GBP5: variants seen among roughly 807,000 people sequenced by gnomAD.
The protein encoded by GBP5 is guanylate-binding protein 5.
In GBP5, 48 loss-of-function variants were observed where a neutral mutation model predicts 58.2. The ratio of observed to expected loss-of-function variants is 0.83; its 90% CI spans 0.65 to 1.05. The LOEUF (loss-of-function observed/expected upper bound fraction) is 1.05, where lower values mean the gene tolerates loss of function less well. Ranked by LOEUF, GBP5 falls within the 50% of genes least tolerant of loss-of-function variation. The pLI, the probability that GBP5 is intolerant of heterozygous loss-of-function variation, is 0.00. For synonymous variants in GBP5, 248 were observed against 251.8 expected (o/e 0.98, Z 0.14); for missense variants, 714 against 686.8 (o/e 1.04, Z -0.44).
Position 89,266,371 on chromosome 1 carries a change from T to C in GBP5, c.843A>G (p.Pro281=), listed in dbSNP as rs1279799389. 2 of 1,613,260 alleles carry C rather than the reference T, an allele frequency of 1.2e-6. 1 individual carries two copies. Among genetic ancestry groups the C allele is most frequent in the Non-Finnish European group, 1.7e-6 (2 of 1,179,280 alleles). ...GAGATCCATTGACCATGATGCCACC[T>C]GGAAGAGTCTTGGTCATAGAATGGC... The part of the protein sequence containing the change: ...IFSHSMTKTL[P]GGIMVNGSRL... Residue 281 remains proline, a synonymous_variant, in exon 7 of 12, where the codon CCA becomes CCG. Transcript: ENST00000370459.
chr1:89,259,136 G>A lies in GBP5; in HGVS notation c.*1568C>T, dbSNP rs1379122632. 5.3e-5 allele frequency: 8 copies of A among 152,254 alleles called. No individual in the cohort carries two copies. The highest frequency in any genetic ancestry group is 1.0e-4 in the Non-Finnish European group (7 of 68,022). 9.4% of individuals were successfully genotyped at this position (152,254 alleles called of 1,614,324 possible). On this transcript the variant is annotated 3_prime_UTR_variant, in exon 12 of 12. Transcript: ENST00000370459. ...ACTCAGATTTTTGGCACATTATATG[G>A]CATTCCTTATACCACATATTTATAA...
At chr1:89,262,126 G>T in intron 11 of GBP5, 94 bp downstream of exon 11, 1 of 1,234,302 alleles carries the variant, frequency 8.1e-7, no homozygotes, top group Non-Finnish European at 1.2e-6. Flanking sequence ...ACTCCCTGCT[G>T]AGAGCCACAA....
At chr1:89,263,446 CA>C (rs1187710521) in intron 9 of GBP5, 12 of 303,592 alleles carry the variant, frequency 4.0e-5, no homozygotes, top group Non-Finnish European at 7.5e-5. Context: ...CCAATGTAAC[CA>C]AAAAGGCCTC....
At position 89,262,320 on chromosome 1, in the gene GBP5, T is replaced by A. The variant is rs771950573; in HGVS notation, c.1547A>T (p.Gln516Leu). ...AIQRQNEQMM[Q>L]ERERLHQEQV... ...TTCCTGATGGAGTCTCTCCCTCTCCTGCATCATTTGCTCGTTCTGCCTTTG... is the reference window on the plus strand; with the variant it reads ...TTCCTGATGGAGTCTCTCCCTCTCCAGCATCATTTGCTCGTTCTGCCTTTG... Residue 516 changes from glutamine to leucine, a missense_variant, in exon 11 of 12, where the codon CAG (glutamine) becomes CTG (leucine). Gln to Leu is a moderately radical substitution (Grantham distance 113). Transcript: ENST00000370459. 6.2e-7 allele frequency: 1 copy of A among 1,614,144 alleles called. No homozygotes were observed. The highest frequency in any genetic ancestry group is 8.5e-7 in the Non-Finnish European group (1 of 1,179,958).
At position 89,256,296 on chromosome 1, in the gene GBP5, C is replaced by T. The variant is rs534680438; in HGVS notation, c.*4408G>A. On this transcript the variant is annotated 3_prime_UTR_variant, in exon 12 of 12. Coordinates refer to ENST00000370459, the MANE Select transcript of GBP5 (RefSeq NM_052942.5). ...TTTGAAAACAGGCCAAACAAAATTA[C>T]ATTACTTAGGAGCTCACATGTTTAT... Among the ~76,000 whole-genome samples, 1 of 152,216 alleles carries T rather than the reference C, an allele frequency of 6.6e-6. No homozygotes were observed. The highest frequency in any genetic ancestry group is 2.4e-5 in the African/African-American group (1 of 41,536).
In GBP5 at chr1:89,268,760, A is replaced by G; in HGVS notation, c.287T>C (p.Leu96Pro). 1.2e-6 allele frequency: 2 copies of G among 1,614,086 alleles called. No individual in the cohort carries two copies. The highest frequency in any genetic ancestry group is 1.1e-5 in the South Asian group (1 of 91,082). The change falls in exon 4 of 12, where the codon CTT becomes CCT. Residue 96 changes from leucine (L) to proline (P), a missense_variant. Transcript: ENST00000370459. ...TACATCTCCCAGGCCCTCGGTGTCA[A>G]GCAGAACTAATGTGTGATTTGGCCA... ...PNWPNHTLVL[L>P]DTEGLGDVEK...
At position 89,268,825 on chromosome 1, in the gene GBP5, G is replaced by A. The variant is rs1260009110; in HGVS notation, c.222C>T (p.His74=). The change falls in exon 4 of 12, where the codon CAC becomes CAT. Residue 74 remains histidine (H), a synonymous_variant. Coordinates refer to ENST00000370459, the MANE Select transcript of GBP5 (RefSeq NM_052942.5). ...GFSVASTVQS[H]TKGIWIWCVP... is the part of the protein sequence containing the mutation. ...CACACCATATCCAAATTCCCTTGGTGTGAGACTGCACCGTAGATGCAACAG... is the reference window on the plus strand; with the variant it reads ...CACACCATATCCAAATTCCCTTGGTATGAGACTGCACCGTAGATGCAACAG... 6.2e-7 allele frequency: 1 copy of A among 1,613,890 alleles called. No homozygotes were observed. Among genetic ancestry groups the A allele is most frequent in the South Asian group, 1.1e-5 (1 of 91,082 alleles).
In GBP5 at chr1:89,263,892, C is replaced by T. The variant is rs553250350; in HGVS notation, c.1206G>A (p.Ser402=). 14 of 1,612,368 alleles carry T rather than the reference C, an allele frequency of 8.7e-6. No homozygotes were observed. The highest frequency in any genetic ancestry group is 8.4e-5 in the Admixed American group (5 of 59,738). The change falls in exon 9 of 12, where the codon TCG becomes TCA. Residue 402 remains serine (S), a synonymous_variant. Transcript: ENST00000370459. ...DICKRNLEAS[S]DYCSALLKDI... is the part of the protein sequence containing the mutation. The stretch of plus-strand genomic sequence containing the variant: ...CCTTAAGTAAAGCCGAGCAATAATC[C>T]GAGGATGCTTCCAGGTTCCGTTTAC...
rs1221077068 is a variant in GBP5, at chr1:89,260,830, A to G, written c.1648-13T>C. The G allele has an allele frequency of 1.3e-6, 2 of 1,592,994 alleles. No individual in the cohort carries two copies. Among genetic ancestry groups the G allele is most frequent in the South Asian group, 2.2e-5 (2 of 90,458 alleles). On this transcript the variant is annotated splice_polypyrimidine_tract_variant and intron_variant, in intron 11 of 11. Transcript: ENST00000370459. ...GTGCAGCCTGTTCCTAAAGAGTGATAAATAGAAAGTAAGATCAAGCTTCTT... is the reference window on the plus strand; with the variant it reads ...GTGCAGCCTGTTCCTAAAGAGTGATGAATAGAAAGTAAGATCAAGCTTCTT...
At chr1:89,266,247 T>C (rs1650206810) in intron 7 of GBP5, 99 bp downstream of exon 7, 3 of 997,574 alleles carry the variant, frequency 3.0e-6, no homozygotes, top group East Asian at 2.5e-5. Flanking sequence ...AGCAATTGCC[T>C]ATGCATTTGT....
rs145635162 is a variant in GBP5 at position 89,262,358 on chromosome 1, C to G, written c.1509G>C (p.Arg503Ser). ...KAEAEKAEAQ[R>S]LAAIQRQNEQ... ...CGTTCTGCCTTTGAATCGCCGCCAACCTTTGCGCTTCAGCCTTTTCAGCTT... is the reference window on the plus strand; with the variant it reads ...CGTTCTGCCTTTGAATCGCCGCCAAGCTTTGCGCTTCAGCCTTTTCAGCTT... Residue 503 changes from arginine to serine, a missense_variant, in exon 11 of 12, where the codon AGG (arginine) becomes AGC (serine). Coordinates refer to ENST00000370459, the MANE Select transcript of GBP5 (RefSeq NM_052942.5). 2.8e-5 allele frequency: 45 copies of G among 1,614,108 alleles called. No homozygotes were observed. The African/African-American group carries it at 5.1e-4, about 18-fold the overall frequency.
intron 11 of GBP5, 72 bp downstream of exon 11, chr1:89,262,148 C>T: frequency 2.1e-6 from 3 of 1,444,616 alleles, no homozygotes; most frequent in Non-Finnish European, 2.9e-6. Flanking sequence ...ATCTTGCTGC[C>T]TCTCCCTCTT....
rs61730934 is a variant in GBP5, at chr1:89,266,511, T to G, written c.703A>C (p.Ile235Leu). The change falls in exon 7 of 12, where the codon ATC becomes CTC. Residue 235 changes from isoleucine (I) to leucine (L), a missense_variant. By Grantham distance (5) the Ile-to-Leu change is conservative. Coordinates refer to ENST00000370459, the MANE Select transcript of GBP5 (RefSeq NM_052942.5). ...TTTTGGTGAGCAGGTAAGTCAAAGA[T>G]AAAGCATTTCTTTTTTGGAAAGAAC... is the stretch of plus-strand genomic sequence containing the variant. ...QKFFPKKKCFIFDLPAHQKKL... is the reference protein window; with the variant it reads ...QKFFPKKKCFLFDLPAHQKKL... The G allele has an allele frequency of 1.9e-6, 3 of 1,613,958 alleles. No individual in the cohort carries two copies. The highest frequency in any genetic ancestry group is 2.5e-6 in the Non-Finnish European group (3 of 1,179,932).
At chr1:89,262,890 A>G (rs1245269967) in intron 9 of GBP5, 105 bp from the exon 10 acceptor site, 1 of 703,574 alleles carries the variant, frequency 1.4e-6, no homozygotes, top group African/African-American at 1.9e-5. Flanking sequence ...CTCATAGGAG[A>G]GGCTTGCCAT....
intron 6 of GBP5, 86 bp from the exon 7 acceptor site, chr1:89,266,674 A>G: frequency 8.1e-7 from 1 of 1,236,026 alleles, no homozygotes; most frequent in Middle Eastern, 2.6e-4. Flanking sequence ...CTTCCACCTG[A>G]TGTCACTTAG....
Position 89,267,531 on chromosome 1 carries a change from A to T in GBP5, c.319-5T>A, listed in dbSNP as rs764171795. 1 of 1,594,354 alleles carries T rather than the reference A, an allele frequency of 6.3e-7. No homozygotes were observed. Among genetic ancestry groups the T allele is most frequent in the Admixed American group, 1.7e-5 (1 of 60,000 alleles). ...GATATCATTCTTGTTGTCAGCCTAG[A>T]AGTCAGACCAAATTTAAGTCATGTC... On this transcript the variant is annotated splice_polypyrimidine_tract_variant and splice_region_variant and intron_variant, in intron 4 of 11. Transcript: ENST00000370459.
At position 89,262,463 on chromosome 1, in the gene GBP5, T is replaced by C. The variant is rs1002064122; in HGVS notation, c.1466-62A>G. The C allele has an allele frequency of 2.8e-6, 4 of 1,412,948 alleles. No homozygotes were observed. In the African/African-American group the frequency reaches 5.7e-5, roughly 20 times the overall value. 87.5% of individuals were successfully genotyped at this position (1,412,948 alleles called of 1,614,324 possible). A position where few individuals can be genotyped will look rare whatever the true frequency, so the allele number is the denominator to read the frequency against. On this transcript the variant is annotated intron_variant, in intron 10 of 11. Coordinates refer to ENST00000370459, the MANE Select transcript of GBP5 (RefSeq NM_052942.5). ...TGCCTCTTCCTTCTGCCTCCCACTT[T>C]TGTTTGTGATTGTTCCAACTTCCTG...
chr1:89,260,669 A>G lies in GBP5; in HGVS notation c.*35T>C. On this transcript the variant is annotated 3_prime_UTR_variant, in exon 12 of 12. Transcript: ENST00000370459. ...CTTTTCTGTTGTGTCATCAGTGACA[A>G]AGAGTAAAAAAAGGAAACTCCCATA... is the stretch of plus-strand genomic sequence containing the variant. The G allele has an allele frequency of 7.9e-7, 1 of 1,264,736 alleles. No homozygotes were observed. Among genetic ancestry groups the G allele is most frequent in the Non-Finnish European group, 1.2e-6 (1 of 864,740 alleles). 78.3% of individuals were successfully genotyped at this position (1,264,736 alleles called of 1,614,324 possible).
At chr1:89,266,008 T>C (rs773327113) in intron 7 of GBP5, among the ~76,000 whole-genome samples, 21 of 152,228 alleles carry the variant, frequency 1.4e-4, no homozygotes, top group Non-Finnish European at 2.4e-4. Flanking sequence ...ATATGTCTTG[T>C]TCATCTTGTG....
Sources: gnomAD v4.1 joint callset for allele counts (sites outside exome capture counted in the v4.1 genomes callset) on GRCh38, gnomAD v4.1.1 for gene constraint, MANE v1.5 for transcripts, NCBI Gene and HGNC (gene_info 2026-07-23, HGNC 2026-07-21) for gene names.